Variants in NCK2 observed in about 807,000 individuals in gnomAD.
The protein encoded by NCK2 is NCK adaptor protein 2, also known as cytoplasmic protein NCK2.
NCK2 carries 16 observed loss-of-function variants against 33.9 expected under a neutral mutation model. The observed-to-expected ratio is 0.47, with a 90% CI of 0.32 to 0.72. The LOEUF (loss-of-function observed/expected upper bound fraction) is 0.72, where lower values mean the gene tolerates loss of function less well. Among genes scored for constraint, NCK2 ranks in the 30% least tolerant of loss-of-function variants. The probability of loss-of-function intolerance (pLI) is 0.03; values close to 1 mark genes in which losing one functional copy is unlikely to be tolerated. For synonymous variants in NCK2, 273 were observed against 239.9 expected (o/e 1.14, Z -1.27); for missense variants, 418 against 537.3 (o/e 0.78, Z 2.19).
At chr2:105,772,099 A>C (rs1690153409) in intron 1 of NCK2, among the ~76,000 whole-genome samples, 1 of 152,176 alleles carries the variant, frequency 6.6e-6, no homozygotes, top group African/African-American at 2.4e-5. Context: ...GCAGTGTCTG[A>C]AGGATGGCGG....
chr2:105,826,096 A>G (rs928672269), intron 2 of NCK2, among the ~76,000 whole-genome samples: 1 of 152,332 alleles, frequency 6.6e-6, no homozygotes, highest in East Asian at 1.9e-4. Context: ...TATACAGGAA[A>G]GAGATTTAAT....
At position 105,844,574 on chromosome 2, in the gene NCK2, C is replaced by A. The variant is rs992801972; in HGVS notation, c.-16-10474C>A. Among the ~76,000 whole-genome samples the A allele has an allele frequency of 5.6e-3, 752 of 134,044 alleles. 5 individuals are homozygous for A. Among genetic ancestry groups the A allele is most frequent in the Non-Finnish European group, 8.5e-3 (534 of 63,046 alleles). The allele number at this position is 134,044 out of a possible 152,430, so 87.9% of individuals were successfully genotyped here. On this transcript the variant is annotated intron_variant, in intron 2 of 4. Coordinates refer to ENST00000233154, the MANE Select transcript of NCK2 (RefSeq NM_003581.5). Reference sequence around the variant, plus strand: ...CATCTCTACTAAAAGTAGAAAAAAACAAAAAAAAAAAAAAACAGCTGGGCA... The same window carrying A: ...CATCTCTACTAAAAGTAGAAAAAAAAAAAAAAAAAAAAAAACAGCTGGGCA...
At chr2:105,779,398 A>G (rs974340213) in intron 1 of NCK2, among the ~76,000 whole-genome samples, 2 of 152,108 alleles carry the variant, frequency 1.3e-5, no homozygotes, top group African/African-American at 4.8e-5. Flanking sequence ...GAGGCTTTTA[A>G]TCTTTTTTAA....
At chr2:105,749,899 T>C (rs2104325290) in intron 1 of NCK2, among the ~76,000 whole-genome samples, 1 of 152,198 alleles carries the variant, frequency 6.6e-6, no homozygotes, top group East Asian at 1.9e-4. Context: ...GCGCAGTGGC[T>C]CACGGCTGTA....
At chr2:105,755,087 T>C (rs1038544408) in intron 1 of NCK2, among the ~76,000 whole-genome samples, 1 of 152,184 alleles carries the variant, frequency 6.6e-6, no homozygotes, top group Non-Finnish European at 1.5e-5. Flanking sequence ...ATGACTTTTC[T>C]TTTATGTGCT....
At chr2:105,835,425 T>TATATACG (rs1175205835) in intron 2 of NCK2, among the ~76,000 whole-genome samples, 2 of 10,960 alleles carry the variant, frequency 1.8e-4, no homozygotes, top group African/African-American at 4.0e-4. Context: ...ATATATATAT[T>TATATACG]TTTTTTTTGG....
chr2:105,854,263 TA>T (rs1187629659), intron 2 of NCK2, among the ~76,000 whole-genome samples: 1 of 152,240 alleles, frequency 6.6e-6, no homozygotes, highest in Non-Finnish European at 1.5e-5. Context: ...TGTGTCCTAC[TA>T]AAGGACATTT....
chr2:105,815,232 A>G (rs1188810558), intron 1 of NCK2, among the ~76,000 whole-genome samples: 5 of 152,266 alleles, frequency 3.3e-5, no homozygotes, highest in South Asian at 2.1e-4. Flanking sequence ...TATTAAAATG[A>G]TGCGGCCTTT....
intron 3 of NCK2, among the ~76,000 whole-genome samples, chr2:105,876,397 G>A (rs1015548835): frequency 5.3e-5 from 8 of 152,238 alleles, no homozygotes; most frequent in Non-Finnish European, 7.3e-5. Context: ...TCTCCCTGAA[G>A]GATCCACCTG....
At chr2:105,803,419 A>C (rs1573610812) in intron 1 of NCK2, among the ~76,000 whole-genome samples, 1 of 152,222 alleles carries the variant, frequency 6.6e-6, no homozygotes, top group Non-Finnish European at 1.5e-5. Flanking sequence ...GCTGTGCCTT[A>C]TGTATGTACA....
chr2:105,794,193 C>T (rs1307701985), intron 1 of NCK2, among the ~76,000 whole-genome samples: 7 of 151,712 alleles, frequency 4.6e-5, no homozygotes, highest in East Asian at 1.9e-4. Flanking sequence ...GGATTACAGG[C>T]GCCTGCCACC....
intron 1 of NCK2, among the ~76,000 whole-genome samples, chr2:105,805,823 GT>G (rs1320606909): frequency 6.6e-6 from 1 of 152,162 alleles, no homozygotes; most frequent in East Asian, 1.9e-4. Context: ...TATATATAGG[GT>G]AAGAATTCCT....
intron 1 of NCK2, among the ~76,000 whole-genome samples, chr2:105,757,353 A>T (rs1039081572): frequency 2.0e-5 from 3 of 152,078 alleles, no homozygotes; most frequent in Admixed American, 1.3e-4. Context: ...GTCCTTGATT[A>T]TTAGGGATTT....
At chr2:105,811,162 C>CAAAA (rs11358569) in intron 1 of NCK2, among the ~76,000 whole-genome samples, 2 of 140,200 alleles carry the variant, frequency 1.4e-5, no homozygotes, top group African/African-American at 5.3e-5. Context: ...TGACAGAGTG[C>CAAAA]AAAAAAAAAA....
intron 3 of NCK2, among the ~76,000 whole-genome samples, chr2:105,879,791 A>C (rs1378649637): frequency 6.6e-6 from 1 of 152,266 alleles, no homozygotes; most frequent in African/African-American, 2.4e-5. Flanking sequence ...AGGCCATAGA[A>C]GCACAAGTAA....
chr2:105,879,900 G>A (rs769815022), intron 3 of NCK2, among the ~76,000 whole-genome samples: 2 of 152,242 alleles, frequency 1.3e-5, no homozygotes, highest in African/African-American at 2.4e-5. Context: ...ATTTTGAGGA[G>A]TCTACAAATG....
intron 2 of NCK2, among the ~76,000 whole-genome samples, chr2:105,836,274 CAG>C (rs1315164595): frequency 3.3e-5 from 5 of 151,608 alleles, no homozygotes; most frequent in Non-Finnish European, 4.4e-5. Context: ...TCATAGGGAA[CAG>C]AGTTTTTTGT....
At chr2:105,859,859 T>C (rs1677444203) in intron 3 of NCK2, among the ~76,000 whole-genome samples, 1 of 152,226 alleles carries the variant, frequency 6.6e-6, no homozygotes, top group Non-Finnish European at 1.5e-5. Context: ...GTCTTGGTGA[T>C]CTGCCCTGGG....
At chr2:105,836,690 G>A (rs931172018) in intron 2 of NCK2, among the ~76,000 whole-genome samples, 1 of 152,124 alleles carries the variant, frequency 6.6e-6, no homozygotes, top group Non-Finnish European at 1.5e-5. Context: ...CAGGTGTTGG[G>A]ATTAGAGCTG....
Sources: allele counts gnomAD v4.1 joint callset (sites outside exome capture counted in the v4.1 genomes callset), GRCh38; gene constraint gnomAD v4.1.1; transcripts MANE v1.5; gene names NCBI Gene and HGNC (gene_info 2026-07-23, HGNC 2026-07-21).